LAMB4: variants seen among roughly 807,000 people sequenced by gnomAD.
LAMB4 encodes the protein laminin subunit beta 4, also known as laminin subunit beta-4.
LAMB4 carries 196 observed loss-of-function variants against 199.2 expected under a neutral mutation model. The ratio of observed to expected loss-of-function variants is 0.98; its 90% CI spans 0.88 to 1.11. The LOEUF (loss-of-function observed/expected upper bound fraction) is 1.11, where lower values mean the gene tolerates loss of function less well. LAMB4 is among the 50% of genes least tolerant of loss of function. The pLI, the probability that LAMB4 is intolerant of heterozygous loss-of-function variation, is 0.00. For synonymous variants in LAMB4, 744 were observed against 770.6 expected, an observed-to-expected ratio of 0.97 and a Z score of 0.57; for missense variants, 2,080 against 2,171.2, an observed-to-expected ratio of 0.96 and a Z score of 0.83.
intron 12 of LAMB4, among the ~76,000 whole-genome samples, chr7:108,093,259 G>GT (rs1265296675): frequency 6.6e-6 from 1 of 152,112 alleles, no homozygotes; most frequent in African/African-American, 2.4e-5. Flanking sequence ...TAGAGACGGG[G>GT]TTTTACCGTG....
In LAMB4 at chr7:108,128,631, T is replaced by C. The variant is rs115470344; in HGVS notation, c.-34+1675A>G. ...GTATTATAATGAATCTGGCAACTTCTAGAAGTTCTGTTATCTGAAATCACC... is the reference window on the plus strand; with the variant it reads ...GTATTATAATGAATCTGGCAACTTCCAGAAGTTCTGTTATCTGAAATCACC... On this transcript the variant is annotated intron_variant, in intron 1 of 33. Transcript: ENST00000388781. Among the ~76,000 whole-genome samples, 1,014 of 152,316 alleles carry C rather than the reference T, an allele frequency of 6.7e-3. 12 individuals carry two copies. Among genetic ancestry groups the C allele is most frequent in the African/African-American group, 0.023 (968 of 41,572 alleles).
downstream of LAMB4, among the ~76,000 whole-genome samples, chr7:108,020,144 A>G (rs986514278): frequency 6.6e-6 from 1 of 151,908 alleles, no homozygotes; most frequent in Non-Finnish European, 1.5e-5. Context: ...CACACACCTT[A>G]TCAGATCTCC....
chr7:108,077,050 G>C lies in LAMB4; in HGVS notation c.2018C>G (p.Pro673Arg), dbSNP rs1270490497. The change falls in exon 17 of 34, where the codon CCC becomes CGC. Residue 673 changes from proline to arginine, a missense_variant. By Grantham distance (103) the Pro-to-Arg change is moderately radical (BLOSUM62 -2). Coordinates refer to ENST00000388781, the MANE Select transcript of LAMB4 (RefSeq NM_007356.3). ...ATCTGGTTCTAAACAGATGGGTGTG[G>C]GAAGCAGCATGATTCTGTATTAAGA... ...LPAATRIMLLPTPICLEPDVQ... is the reference protein window; with the variant it reads ...LPAATRIMLLRTPICLEPDVQ... 6.2e-7 allele frequency: 1 copy of C among 1,613,708 alleles called. No individual in the cohort carries two copies. The highest frequency in any genetic ancestry group is 1.1e-5 in the South Asian group (1 of 91,036).
chr7:108,116,545 C>A (rs1479121914), intron 2 of LAMB4, among the ~76,000 whole-genome samples: 5 of 152,068 alleles, frequency 3.3e-5, no homozygotes, highest in African/African-American at 7.2e-5. Context: ...ATATGAAAGT[C>A]CAAGAGATGC....
chr7:108,021,365 T>G (rs1397967283), downstream of LAMB4, among the ~76,000 whole-genome samples: 1 of 152,154 alleles, frequency 6.6e-6, no homozygotes, highest in East Asian at 1.9e-4. Context: ...GTGCTTTCAT[T>G]TGGCTGAGTG....
chr7:108,114,411 C>T (rs2038339873), intron 3 of LAMB4, among the ~76,000 whole-genome samples: 2 of 151,774 alleles, frequency 1.3e-5, no homozygotes, highest in South Asian at 4.2e-4. Flanking sequence ...TGCATGCCAG[C>T]CTGGGTGACA....
rs1041791632 is a variant in LAMB4, at chr7:108,109,144, A to G, written c.402+27T>C. The G allele has an allele frequency of 1.6e-5, 24 of 1,520,120 alleles. No homozygotes were observed. In the African/African-American group the frequency reaches 3.0e-4, roughly 19 times the overall value. 94.2% of individuals were successfully genotyped at this position (1,520,120 alleles called of 1,614,324 possible). A position where few individuals can be genotyped will look rare whatever the true frequency, so the allele number is the denominator to read the frequency against. On this transcript the variant is annotated intron_variant, in intron 5 of 33. Transcript: ENST00000388781. ...TGAGCATTTAGGGAATAGATAAAAG[A>G]GGGGCAGCAGGCCTATTAGTCTGTA...
Position 108,030,853 on chromosome 7 carries a change from TC to T in LAMB4, c.4944del (p.Val1650PhefsTer20), listed in dbSNP as rs780269316. 1.6e-5 allele frequency: 26 copies of T among 1,614,086 alleles called. No homozygotes were observed. The highest frequency in any genetic ancestry group is 2.2e-5 in the Non-Finnish European group (26 of 1,180,032). On this transcript the variant is annotated frameshift_variant, in exon 32 of 34. Transcript: ENST00000388781. LOFTEE classifies it high-confidence loss of function. ...TGTTGGGCAGATTCAGCCTGAACTT[TC>T]GCATTGACAGCGTGGTCTTGATGCC... ...LQRHQDHAVN[A>X]KVQAESAQHQ...
At chr7:108,086,179 C>G (rs552890038) in intron 14 of LAMB4, among the ~76,000 whole-genome samples, 1 of 152,326 alleles carries the variant, frequency 6.6e-6, no homozygotes, top group East Asian at 1.9e-4. Context: ...AGGAACGCAA[C>G]AGGCCAGCCC....
Position 108,048,120 on chromosome 7 carries a change from A to C in LAMB4, c.4123-9T>G, listed in dbSNP as rs2035698876. Reference sequence around the variant, plus strand: ...CCTGGATCTCCGCACACCTTGCAAGAGAAATGATTTACGTTAAATAGCAAC... The same window carrying C: ...CCTGGATCTCCGCACACCTTGCAAGCGAAATGATTTACGTTAAATAGCAAC... On this transcript the variant is annotated splice_polypyrimidine_tract_variant and intron_variant, in intron 27 of 33. Coordinates refer to ENST00000388781, the MANE Select transcript of LAMB4 (RefSeq NM_007356.3). 6.7e-7 allele frequency: 1 copy of C among 1,501,968 alleles called. No homozygotes were observed. The highest frequency in any genetic ancestry group is 1.4e-5 in the African/African-American group (1 of 71,354). The allele number at this position is 1,501,968 out of a possible 1,614,324, so 93.0% of individuals were successfully genotyped here.
At chr7:108,090,986 G>A (rs1393465216) in intron 14 of LAMB4, among the ~76,000 whole-genome samples, 6 of 152,008 alleles carry the variant, frequency 3.9e-5, no homozygotes, top group Admixed American at 1.3e-4. Flanking sequence ...GGAATGACTC[G>A]GTTCCTGGAA....
chr7:108,088,837 C>T (rs534773445), intron 14 of LAMB4, among the ~76,000 whole-genome samples: 26 of 152,166 alleles, frequency 1.7e-4, no homozygotes, highest in Non-Finnish European at 3.4e-4. Context: ...ATGGTGAACT[C>T]ATCTGACAGC....
intron 1 of LAMB4, among the ~76,000 whole-genome samples, chr7:108,125,525 T>C (rs1042477606): frequency 1.3e-5 from 2 of 152,254 alleles, no homozygotes; most frequent in African/African-American, 2.4e-5. Context: ...GATTCATGGC[T>C]TGTAATGATC....
chr7:108,048,170 T>A (rs1472309912), intron 27 of LAMB4, 59 bp from the exon 28 acceptor site: 9 of 1,418,980 alleles, frequency 6.3e-6, no homozygotes, highest in Non-Finnish European at 8.6e-6. Flanking sequence ...TTTTTTTTTT[T>A]TTTTTTTTTT....
In LAMB4 at chr7:108,116,099, C is replaced by G; in HGVS notation, c.97G>C (p.Gly33Arg). 6.2e-7 allele frequency: 1 copy of G among 1,613,910 alleles called. No homozygotes were observed. Among genetic ancestry groups the G allele is most frequent in the Non-Finnish European group, 8.5e-7 (1 of 1,179,828 alleles). Reference sequence around the variant, plus strand: ...GTGTTCCTGCCCACCAGGAGATCACCAGTGGTGGGATGACAGGCACCCCTG... The same window carrying G: ...GTGTTCCTGCCCACCAGGAGATCACGAGTGGTGGGATGACAGGCACCCCTG... ...CNRGACHPTT[G>R]DLLVGRNTQL... is the part of the protein sequence containing the mutation. Residue 33 changes from glycine to arginine, a missense_variant, in exon 3 of 34, where the codon GGT (glycine) becomes CGT (arginine). Transcript: ENST00000388781.
Position 108,068,148 on chromosome 7 carries a change from G to T in LAMB4, c.2314C>A (p.His772Asn), listed in dbSNP as rs1046169724. The change falls in exon 19 of 34, where the codon CAC becomes AAC. Residue 772 changes from histidine to asparagine, a missense_variant. Coordinates refer to ENST00000388781, the MANE Select transcript of LAMB4 (RefSeq NM_007356.3). ...CTGGATCCGACTGAGCCCTGGGGGTGACACTTGCAGGCTGCAAGGAACAAT... is the reference window on the plus strand; with the variant it reads ...CTGGATCCGACTGAGCCCTGGGGGTTACACTTGCAGGCTGCAAGGAACAAT... The part of the protein sequence containing the change: ...LHDGAVACKC[H>N]PQGSVGSSCS... 16 of 1,614,120 alleles carry T rather than the reference G, an allele frequency of 9.9e-6. No homozygotes were observed. The highest frequency in any genetic ancestry group is 1.4e-5 in the Non-Finnish European group (16 of 1,180,020).
intron 33 of LAMB4, among the ~76,000 whole-genome samples, chr7:108,025,689 A>G (rs562616687): frequency 1.1e-3 from 174 of 152,138 alleles, no homozygotes; most frequent in African/African-American, 4.0e-3. Context: ...CAGCCTCTCA[A>G]AGTGCTGGGA....
chr7:108,018,937 G>C (rs1356641275), downstream of LAMB4, among the ~76,000 whole-genome samples: 1 of 152,082 alleles, frequency 6.6e-6, no homozygotes, highest in African/African-American at 2.4e-5. Flanking sequence ...ACCCTTACTT[G>C]TACAGTCAAC....
intron 16 of LAMB4, among the ~76,000 whole-genome samples, chr7:108,077,438 TA>T (rs1177910277): frequency 6.6e-6 from 1 of 152,168 alleles, no homozygotes; most frequent in Non-Finnish European, 1.5e-5. Flanking sequence ...CTCACACCTG[TA>T]ATCCCAGCAC....
Sources: allele counts gnomAD v4.1 joint callset (sites outside exome capture counted in the v4.1 genomes callset), GRCh38; gene constraint gnomAD v4.1.1; transcripts MANE v1.5; gene names NCBI Gene and HGNC (gene_info 2026-07-23, HGNC 2026-07-21).